Variants in UVRAG observed in about 807,000 individuals in gnomAD.
UVRAG encodes UV radiation resistance associated.
Under a neutral mutation model 78.0 loss-of-function variants are expected in UVRAG, and 19 were observed. That is an observed-to-expected ratio of 0.24 (90% CI 0.17 to 0.36). The LOEUF is 0.36. Ranked by LOEUF, UVRAG falls within the 10% of genes least tolerant of loss-of-function variation. The probability of loss-of-function intolerance (pLI) is 1.00; values close to 1 mark genes in which losing one functional copy is unlikely to be tolerated. For missense variants in UVRAG, 740 were observed against 853.8 expected (o/e 0.87, Z 1.66); for synonymous variants, 323 against 324.6 (o/e 1.00, Z 0.05).
intron 1 of UVRAG, among the ~76,000 whole-genome samples, chr11:75,842,238 CA>C (rs764745980): frequency 6.6e-6 from 1 of 152,072 alleles, no homozygotes; most frequent in Non-Finnish European, 1.5e-5. Context: ...TAATGGATGA[CA>C]GGGGTGGCAG....
At chr11:75,899,963 G>A (rs1357375934) in intron 5 of UVRAG, among the ~76,000 whole-genome samples, 1 of 152,022 alleles carries the variant, frequency 6.6e-6, no homozygotes, top group Admixed American at 6.6e-5. Flanking sequence ...ATCTTATCCT[G>A]TAATTCATAT....
chr11:75,937,098 G>A (rs193123550), intron 6 of UVRAG, among the ~76,000 whole-genome samples: 29 of 152,290 alleles, frequency 1.9e-4, no homozygotes, highest in African/African-American at 4.3e-4. Flanking sequence ...GGCTGGGCGC[G>A]GTGGCTCACG....
intron 12 of UVRAG, among the ~76,000 whole-genome samples, chr11:76,051,890 C>T (rs989287355): frequency 4.6e-5 from 7 of 152,190 alleles, no homozygotes; most frequent in Non-Finnish European, 8.8e-5. Flanking sequence ...GGATAGAGAT[C>T]AGCCCATGGT....
intron 13 of UVRAG, among the ~76,000 whole-genome samples, chr11:76,073,738 G>A (rs1248438363): frequency 5.9e-5 from 9 of 152,118 alleles, no homozygotes; most frequent in Non-Finnish European, 1.3e-4. Flanking sequence ...TATTGATAGG[G>A]TTTCAGATTC....
intron 8 of UVRAG, among the ~76,000 whole-genome samples, chr11:75,988,423 G>T (rs1007163561): frequency 2.6e-5 from 4 of 152,170 alleles, no homozygotes; most frequent in African/African-American, 9.7e-5. Flanking sequence ...TGGGATTTAT[G>T]TGGTTGTATG....
At chr11:75,841,529 A>T (rs1428181881) in intron 1 of UVRAG, among the ~76,000 whole-genome samples, 2 of 144,358 alleles carry the variant, frequency 1.4e-5, no homozygotes, top group African/African-American at 5.6e-5. Context: ...ATTTTCAATG[A>T]CCTTTAAAAA....
chr11:76,137,803 G>T (rs1952627026), intron 14 of UVRAG: 1 of 270,310 alleles, frequency 3.7e-6, no homozygotes, highest in Admixed American at 4.8e-5. Context: ...AGCTACTTGG[G>T]AGACTGAGGT....
At chr11:75,984,249 G>A (rs988330186) in intron 8 of UVRAG, among the ~76,000 whole-genome samples, 5 of 152,094 alleles carry the variant, frequency 3.3e-5, no homozygotes, top group South Asian at 2.1e-4. Context: ...GTGAACAACC[G>A]GTACTCTATA....
At chr11:75,952,759 G>A (rs1405013802) in intron 6 of UVRAG, among the ~76,000 whole-genome samples, 2 of 151,418 alleles carry the variant, frequency 1.3e-5, no homozygotes, top group African/African-American at 4.8e-5. Context: ...TTTTCCTATA[G>A]TGTTCGTGTC....
intron 11 of UVRAG, among the ~76,000 whole-genome samples, chr11:76,014,525 G>T (rs938376003): frequency 6.6e-6 from 1 of 152,142 alleles, no homozygotes; most frequent in Non-Finnish European, 1.5e-5. Context: ...TTACTGACAG[G>T]AATATTTTAA....
intron 1 of UVRAG, among the ~76,000 whole-genome samples, chr11:75,823,384 G>C (rs1945441992): frequency 6.6e-6 from 1 of 152,192 alleles, no homozygotes; most frequent in Admixed American, 6.5e-5. Flanking sequence ...GAATTTTTCT[G>C]TATGGGAGAT....
chr11:75,850,363 G>A (rs559217595), intron 1 of UVRAG, among the ~76,000 whole-genome samples: 7 of 152,200 alleles, frequency 4.6e-5, no homozygotes, highest in East Asian at 1.9e-4. Flanking sequence ...CTTAAAGAGC[G>A]GGATGGCATT....
At chr11:76,116,120 T>C in intron 14 of UVRAG, 105 bp downstream of exon 14, 1 of 1,069,030 alleles carries the variant, frequency 9.4e-7, no homozygotes. Context: ...AGTTTTCTTC[T>C]GTAATGAGAT....
At chr11:76,128,599 T>C (rs1182299766) in intron 14 of UVRAG, among the ~76,000 whole-genome samples, 2 of 151,990 alleles carry the variant, frequency 1.3e-5, no homozygotes, top group Admixed American at 1.3e-4. Flanking sequence ...GTGCCAGGCA[T>C]GGGAGGTATT....
intron 1 of UVRAG, among the ~76,000 whole-genome samples, chr11:75,828,802 TATA>T (rs1403702518): frequency 0.024 from 1,733 of 71,322 alleles, 68 homozygotes; most frequent in African/African-American, 0.068. Context: ...TATATATATA[TATA>T]TTTTTTTTTT....
chr11:75,969,287 A>G (rs1315954531), intron 7 of UVRAG, among the ~76,000 whole-genome samples: 3 of 152,238 alleles, frequency 2.0e-5, no homozygotes, highest in African/African-American at 7.2e-5. Context: ...AATGTCCTCA[A>G]GCTTCATCCA....
At chr11:76,087,047 G>C (rs919399750) in intron 13 of UVRAG, among the ~76,000 whole-genome samples, 2 of 152,132 alleles carry the variant, frequency 1.3e-5, no homozygotes, top group African/African-American at 4.8e-5. Context: ...TAAATTATTG[G>C]CTTGTATAAC....
At chr11:75,894,498 T>C (rs903753709) in intron 5 of UVRAG, among the ~76,000 whole-genome samples, 1 of 152,080 alleles carries the variant, frequency 6.6e-6, no homozygotes, top group Non-Finnish European at 1.5e-5. Flanking sequence ...AGTAACCAAC[T>C]TTAGAATTTG....
chr11:75,957,538 A>G (rs895326570), intron 6 of UVRAG, among the ~76,000 whole-genome samples: 13 of 151,694 alleles, frequency 8.6e-5, no homozygotes, highest in African/African-American at 2.4e-4. Context: ...GCTTTTCTCT[A>G]TAAATTACAG....
Sources: allele counts gnomAD v4.1 joint callset (sites outside exome capture counted in the v4.1 genomes callset), GRCh38; gene constraint gnomAD v4.1.1; transcripts MANE v1.5; gene names NCBI Gene and HGNC (gene_info 2026-07-23, HGNC 2026-07-21).